Variants in KCTD16 observed in about 807,000 individuals in gnomAD.
The protein encoded by KCTD16 is potassium channel tetramerization domain containing 16, also known as BTB/POZ domain-containing protein KCTD16.
KCTD16 carries 13 observed loss-of-function variants against 33.2 expected under a neutral mutation model. That is an observed-to-expected ratio of 0.39 (90% confidence interval 0.25 to 0.62). The LOEUF is 0.62. Ranked by LOEUF, KCTD16 falls within the 20% of genes least tolerant of loss-of-function variation. The probability of loss-of-function intolerance (pLI) is 0.50; values close to 1 mark genes in which losing one functional copy is unlikely to be tolerated. For synonymous variants in KCTD16, 197 were observed against 195.3 expected, an observed-to-expected ratio of 1.01 and a Z score of -0.07; for missense variants, 441 against 525.1, an observed-to-expected ratio of 0.84 and a Z score of 1.57.
intron 3 of KCTD16, among the ~76,000 whole-genome samples, chr5:144,223,481 A>C (rs1275644513): frequency 6.6e-6 from 1 of 152,182 alleles, no homozygotes; most frequent in Non-Finnish European, 1.5e-5. Context: ...TATACAGTTC[A>C]GTATCATACA....
At chr5:144,324,442 CT>C (rs1234573618) in intron 3 of KCTD16, among the ~76,000 whole-genome samples, 1 of 152,060 alleles carries the variant, frequency 6.6e-6, no homozygotes, top group Non-Finnish European at 1.5e-5. Context: ...GCTGGTGAGG[CT>C]GTGGAGAAAT....
chr5:144,471,692 T>C (rs1754480165), intron 3 of KCTD16, among the ~76,000 whole-genome samples: 1 of 152,222 alleles, frequency 6.6e-6, no homozygotes, highest in African/African-American at 2.4e-5. Context: ...ATATTTTCAG[T>C]CACCAGCTGG....
intron 2 of KCTD16, chr5:144,206,127 T>C (rs1201757795): frequency 6.5e-6 from 1 of 152,748 alleles, no homozygotes; most frequent in African/African-American, 2.4e-5. Flanking sequence ...TTCTTTTTAA[T>C]GTAGACTTAC....
chr5:144,418,326 C>T (rs775138179), intron 3 of KCTD16, among the ~76,000 whole-genome samples: 1 of 152,048 alleles, frequency 6.6e-6, no homozygotes, highest in Non-Finnish European at 1.5e-5. Flanking sequence ...CTTATTTGGC[C>T]CCACCCACAT....
chr5:144,329,953 T>C (rs1457222653), intron 3 of KCTD16, among the ~76,000 whole-genome samples: 1 of 152,204 alleles, frequency 6.6e-6, no homozygotes, highest in Non-Finnish European at 1.5e-5. Flanking sequence ...TTGCATTCCA[T>C]GACTTCAAAA....
At chr5:144,334,645 A>G (rs886782181) in intron 3 of KCTD16, among the ~76,000 whole-genome samples, 25 of 152,122 alleles carry the variant, frequency 1.6e-4, no homozygotes, top group African/African-American at 6.0e-4. Flanking sequence ...GGAAATTAAT[A>G]TTTTTCTTGT....
rs1271570858 is a variant in KCTD16, at chr5:144,480,961, A to G, written c.*6847A>G. 6.6e-6 allele frequency: 1 copy of G among 152,016 alleles called. No homozygotes were observed. Among genetic ancestry groups the G allele is most frequent in the Non-Finnish European group, 1.5e-5 (1 of 67,940 alleles). The allele number at this position is 152,016 out of a possible 1,614,324, so 9.4% of individuals were successfully genotyped here. A position where few individuals can be genotyped will look rare whatever the true frequency, so the allele number is the denominator to read the frequency against. On this transcript the variant is annotated 3_prime_UTR_variant, in exon 4 of 4. Coordinates refer to ENST00000512467, the MANE Select transcript of KCTD16 (RefSeq NM_020768.4). ...TTAAATGTGTATAGAAATTATATGT[A>G]TGGAAATTATTTGAAGTTAGACATA...
chr5:144,425,066 C>A (rs958849214), intron 3 of KCTD16, among the ~76,000 whole-genome samples: 4 of 152,104 alleles, frequency 2.6e-5, no homozygotes, highest in Admixed American at 2.6e-4. Context: ...AGACTCAAGG[C>A]ATGATTCATC....
chr5:144,358,108 T>TG lies in KCTD16; in HGVS notation c.833-115552_833-115551insG, dbSNP rs1751614075. 2.1e-5 allele frequency among the ~76,000 whole-genome samples: 3 copies of TG among 142,944 alleles called. No homozygotes were observed. The South Asian group carries it at 6.8e-4, about 33-fold the overall frequency. 93.8% of individuals were successfully genotyped at this position (142,944 alleles called of 152,430 possible). A position where few individuals can be genotyped will look rare whatever the true frequency, so the allele number is the denominator to read the frequency against. On this transcript the variant is annotated intron_variant, in intron 3 of 3. Transcript: ENST00000512467. ...CCGGCTAATTTTTTTTTTTTTTTTT[T>TG]TTTTTTGTAGAGACGAGATCTCACT...
rs397999492 is a variant in KCTD16 at position 144,388,065 on chromosome 5, G to GTTT, written c.833-85567_833-85565dup. On this transcript the variant is annotated intron_variant, in intron 3 of 3. Coordinates refer to ENST00000512467, the MANE Select transcript of KCTD16 (RefSeq NM_020768.4). ...AATCCAGAGTTCAATTTTAGAGCAA[G>GTTT]TTTTTTTTTTTTTTTTTTTTTTTTT... Among the ~76,000 whole-genome samples the GTTT allele has an allele frequency of 8.1e-3, 600 of 73,668 alleles. 97 individuals carry two copies. The highest frequency in any genetic ancestry group is 0.012 in the African/African-American group (194 of 16,102). 48.3% of individuals were successfully genotyped at this position (73,668 alleles called of 152,430 possible).
intron 3 of KCTD16, among the ~76,000 whole-genome samples, chr5:144,262,169 G>A (rs937435427): frequency 6.6e-6 from 1 of 152,168 alleles, no homozygotes; most frequent in African/African-American, 2.4e-5. Context: ...CTCTAAGCAG[G>A]GAACATATGA....
At chr5:144,392,886 C>T (rs998709521) in intron 3 of KCTD16, among the ~76,000 whole-genome samples, 6 of 152,136 alleles carry the variant, frequency 3.9e-5, no homozygotes, top group African/African-American at 1.4e-4. Flanking sequence ...AGTTCCTCCG[C>T]TGGCCAGCAT....
chr5:144,358,892 G>A (rs567518929), intron 3 of KCTD16, among the ~76,000 whole-genome samples: 32 of 152,234 alleles, frequency 2.1e-4, no homozygotes, highest in South Asian at 1.0e-3. Context: ...TCCCAGTTCT[G>A]TCACCTTGAG....
chr5:144,405,143 T>C (rs1206020037), intron 3 of KCTD16, among the ~76,000 whole-genome samples: 2 of 152,220 alleles, frequency 1.3e-5, no homozygotes, highest in Non-Finnish European at 2.9e-5. Flanking sequence ...AAGCCAGAAT[T>C]TGAACCACAA....
At chr5:144,393,987 A>T (rs1435402529) in intron 3 of KCTD16, among the ~76,000 whole-genome samples, 1 of 131,600 alleles carries the variant, frequency 7.6e-6, no homozygotes, top group Non-Finnish European at 1.6e-5. Context: ...TTTTGTTTAA[A>T]CTTAGGAGAA....
At chr5:144,384,582 T>TTAG (rs923837760) in intron 3 of KCTD16, among the ~76,000 whole-genome samples, 4 of 152,218 alleles carry the variant, frequency 2.6e-5, no homozygotes, top group African/African-American at 9.6e-5. Context: ...CCAAAGTACA[T>TTAG]TACCTATTTT....
chr5:144,329,164 G>A lies in KCTD16; in HGVS notation c.832+121618G>A, dbSNP rs78074819. On this transcript the variant is annotated intron_variant, in intron 3 of 3. Transcript: ENST00000512467. ...TTTACTTTCTCCTGCACACTCACTGGCCTGATGCCTATTTGGCTGATCAGG... is the reference window on the plus strand; with the variant it reads ...TTTACTTTCTCCTGCACACTCACTGACCTGATGCCTATTTGGCTGATCAGG... Among the ~76,000 whole-genome samples, 1,491 of 152,174 alleles carry A rather than the reference G, an allele frequency of 9.8e-3. 21 individuals carry two copies. The highest frequency in any genetic ancestry group is 0.034 in the African/African-American group (1,401 of 41,538).
intron 3 of KCTD16, among the ~76,000 whole-genome samples, chr5:144,331,240 T>G (rs897707784): frequency 3.3e-5 from 5 of 152,176 alleles, no homozygotes; most frequent in African/African-American, 1.2e-4. Flanking sequence ...GTGGGCCTGG[T>G]CTTGTGGACA....
chr5:144,179,377 C>CA (rs1752571780), intron 2 of KCTD16, among the ~76,000 whole-genome samples: 1 of 152,200 alleles, frequency 6.6e-6, no homozygotes, highest in Admixed American at 6.5e-5. Flanking sequence ...AACCAGGAGG[C>CA]AACTCATCCT....
Sources: allele counts gnomAD v4.1 joint callset (sites outside exome capture counted in the v4.1 genomes callset), GRCh38; gene constraint gnomAD v4.1.1; transcripts MANE v1.5; gene names NCBI Gene and HGNC (gene_info 2026-07-23, HGNC 2026-07-21).